The following ARID1B variants were observed in gnomAD, a reference collection of about 807,000 sequenced individuals.
The protein encoded by ARID1B is AT-rich interaction domain 1B.
Under a neutral mutation model 212.3 loss-of-function variants are expected in ARID1B, and 30 were observed. The observed-to-expected ratio is 0.14, with a 90% confidence interval of 0.11 to 0.19. ARID1B has a LOEUF of 0.19. Among genes scored for constraint, ARID1B ranks in the 10% least tolerant of loss-of-function variants. The pLI is 1.00. For synonymous variants in ARID1B, 1,402 were observed against 1,301.7 expected (o/e 1.08, Z -1.66); for missense variants, 2,891 against 3,204.0 (o/e 0.90, Z 2.36).
chr6:157,139,674 C>A (rs1789195528), intron 7 of ARID1B, among the ~76,000 whole-genome samples: 1 of 148,972 alleles, frequency 6.7e-6, no homozygotes, highest in South Asian at 2.1e-4. Flanking sequence ...GGGTTAATAG[C>A]TATATATATA....
At chr6:156,780,730 C>T (rs1397284733) in intron 1 of ARID1B, among the ~76,000 whole-genome samples, 1 of 152,166 alleles carries the variant, frequency 6.6e-6, no homozygotes, top group African/African-American at 2.4e-5. Context: ...ATAAGAGGAT[C>T]AAATACAGAA....
intron 4 of ARID1B, among the ~76,000 whole-genome samples, chr6:157,079,941 TAA>T (rs1784538742): frequency 6.6e-6 from 1 of 152,192 alleles, no homozygotes; most frequent in Non-Finnish European, 1.5e-5. Flanking sequence ...TTAAGATAAT[TAA>T]GAGACTTTTT....
At chr6:156,962,729 C>T (rs1041435635) in intron 4 of ARID1B, among the ~76,000 whole-genome samples, 4 of 152,156 alleles carry the variant, frequency 2.6e-5, no homozygotes, top group Admixed American at 1.3e-4. Context: ...GAGATCCGCC[C>T]GCCTTGGCTT....
At chr6:157,145,430 A>G (rs899436714) in intron 7 of ARID1B, among the ~76,000 whole-genome samples, 68 of 152,192 alleles carry the variant, frequency 4.5e-4, no homozygotes, top group African/African-American at 1.5e-3. Context: ...GCCCTTGACA[A>G]AAAGCGTGCC....
At chr6:157,083,237 G>A (rs1411742356) in intron 4 of ARID1B, among the ~76,000 whole-genome samples, 1 of 152,204 alleles carries the variant, frequency 6.6e-6, no homozygotes, top group East Asian at 1.9e-4. Context: ...GATCTATTAG[G>A]ATTGAATATG....
intron 16 of ARID1B, among the ~76,000 whole-genome samples, chr6:157,198,132 A>G (rs903864895): frequency 2.6e-5 from 4 of 152,234 alleles, no homozygotes; most frequent in Non-Finnish European, 5.9e-5. Flanking sequence ...TTAATATACT[A>G]GTAGTTGAAA....
intron 4 of ARID1B, among the ~76,000 whole-genome samples, chr6:156,954,811 T>G (rs1793842514): frequency 1.3e-5 from 2 of 152,246 alleles, no homozygotes; most frequent in African/African-American, 4.8e-5. Context: ...AATAGTTACT[T>G]TAACTATTTC....
intron 4 of ARID1B, among the ~76,000 whole-genome samples, chr6:157,038,603 A>C (rs569860240): frequency 1.2e-3 from 183 of 152,358 alleles, no homozygotes; most frequent in African/African-American, 4.1e-3. Context: ...GCCAAAAATT[A>C]CTAAAAGAAA....
intron 2 of ARID1B, among the ~76,000 whole-genome samples, chr6:156,851,859 CAAATTGACTGGCAGT>C (rs1784600794): frequency 6.6e-6 from 1 of 152,200 alleles, no homozygotes; most frequent in Admixed American, 6.5e-5. Flanking sequence ...TGGTCTTTAG[CAAATTGACTGGCAGT>C]AAATTGATCC....
intron 4 of ARID1B, among the ~76,000 whole-genome samples, chr6:157,031,972 T>A (rs1781042119): frequency 6.6e-6 from 1 of 152,120 alleles, no homozygotes; most frequent in Admixed American, 6.5e-5. Context: ...AATTTTTGTG[T>A]CTTTAGTAGA....
At chr6:157,156,940 C>T (rs536640889) in intron 8 of ARID1B, among the ~76,000 whole-genome samples, 7 of 152,340 alleles carry the variant, frequency 4.6e-5, no homozygotes, top group Non-Finnish European at 8.8e-5. Context: ...GAGTCTGCGC[C>T]GACCTGACCC....
chr6:156,963,853 C>T (rs1327010521), intron 4 of ARID1B, among the ~76,000 whole-genome samples: 1 of 152,228 alleles, frequency 6.6e-6, no homozygotes, highest in Non-Finnish European at 1.5e-5. Flanking sequence ...GTCCGAGAGG[C>T]AGGACATACA....
chr6:156,805,352 A>C (rs1002526660), intron 1 of ARID1B, among the ~76,000 whole-genome samples: 2 of 152,162 alleles, frequency 1.3e-5, no homozygotes, highest in East Asian at 3.8e-4. Flanking sequence ...CAGTTCTGCC[A>C]CTCATTTTTT....
chr6:156,858,345 T>C (rs1262446737), intron 2 of ARID1B, among the ~76,000 whole-genome samples: 2 of 152,200 alleles, frequency 1.3e-5, no homozygotes, highest in African/African-American at 2.4e-5. Context: ...TTAACAATAA[T>C]GTAATTTCAA....
chr6:156,893,722 GTA>G (rs573493763), intron 2 of ARID1B, among the ~76,000 whole-genome samples: 18 of 152,272 alleles, frequency 1.2e-4, no homozygotes, highest in Non-Finnish European at 2.5e-4. Flanking sequence ...TTCACAATGA[GTA>G]TGTTATCACT....
intron 1 of ARID1B, among the ~76,000 whole-genome samples, chr6:156,801,752 A>C (rs1780807050): frequency 6.6e-6 from 1 of 151,954 alleles, no homozygotes. Context: ...GTTTTACTTC[A>C]CTTTGTTTTA....
At chr6:156,901,158 G>T (rs1788897923) in intron 2 of ARID1B, among the ~76,000 whole-genome samples, 1 of 152,142 alleles carries the variant, frequency 6.6e-6, no homozygotes, top group African/African-American at 2.4e-5. Context: ...GATAGAATAT[G>T]ATGGTTTTTA....
In ARID1B at chr6:157,175,023, T is replaced by G. The variant is rs1341465335; in HGVS notation, c.3504+18T>G. On this transcript the variant is annotated intron_variant, in intron 11 of 19. Coordinates refer to ENST00000636930, the MANE Select transcript of ARID1B (RefSeq NM_001374828.1). ...CAAGCCCTGTAAGTGGCTCTGGTTTTTTTTTGTTTTTTTTGTTTTTTGTTT... is the reference window on the plus strand; with the variant it reads ...CAAGCCCTGTAAGTGGCTCTGGTTTGTTTTTGTTTTTTTTGTTTTTTGTTT... The G allele has an allele frequency of 7.4e-7, 1 of 1,359,160 alleles. No homozygotes were observed. Among genetic ancestry groups the G allele is most frequent in the Admixed American group, 2.9e-5 (1 of 33,934 alleles). The allele number at this position is 1,359,160 out of a possible 1,614,324, so 84.2% of individuals were successfully genotyped here.
At chr6:157,193,329 CTAGAAG>C (rs1344879925) in intron 15 of ARID1B, 2 of 152,078 alleles carry the variant, frequency 1.3e-5, no homozygotes, top group Non-Finnish European at 2.9e-5. Flanking sequence ...AAATAGATTC[CTAGAAG>C]TAGAATTGTT....
Sources: gnomAD v4.1 joint callset for allele counts (sites outside exome capture counted in the v4.1 genomes callset) on GRCh38, gnomAD v4.1.1 for gene constraint, MANE v1.5 for transcripts, NCBI Gene and HGNC (gene_info 2026-07-23, HGNC 2026-07-21) for gene names.